PPP1R9A: variants seen among roughly 807,000 people sequenced by gnomAD.
The protein encoded by PPP1R9A is neurabin-1.
PPP1R9A carries 59 observed loss-of-function variants against 141.9 expected under a neutral mutation model. The observed-to-expected ratio is 0.42, with a 90% CI of 0.34 to 0.52. The LOEUF is 0.52. Ranked by LOEUF, PPP1R9A falls within the 20% of genes least tolerant of loss-of-function variation. The probability of loss-of-function intolerance (pLI) is 0.10; values close to 1 mark genes in which losing one functional copy is unlikely to be tolerated. For missense variants in PPP1R9A, 1,444 were observed against 1,611.9 expected (o/e 0.90, Z 1.78); for synonymous variants, 500 against 569.7 (o/e 0.88, Z 1.74).
chr7:94,968,627 T>G (rs1798516374), intron 2 of PPP1R9A, among the ~76,000 whole-genome samples: 1 of 152,206 alleles, frequency 6.6e-6, no homozygotes, highest in Non-Finnish European at 1.5e-5. Context: ...AGCACACCGA[T>G]GAGTCTTGAC....
intron 4 of PPP1R9A, among the ~76,000 whole-genome samples, chr7:95,157,574 C>T (rs1223991159): frequency 6.6e-6 from 1 of 152,224 alleles, no homozygotes; most frequent in African/African-American, 2.4e-5. Flanking sequence ...CTCGGCAGCA[C>T]CTCCCTGCTG....
chr7:95,290,930 G>A lies in PPP1R9A; in HGVS notation c.*627G>A, dbSNP rs1285228210. On this transcript the variant is annotated 3_prime_UTR_variant, in exon 20 of 20. Transcript: ENST00000433360. ...CTGCTTGCTAGGCATCAAAAAGAAA[G>A]AAAATAAATTATAGCTATTTGTTAA... 1.3e-5 allele frequency: 2 copies of A among 152,208 alleles called. No homozygotes were observed. The highest frequency in any genetic ancestry group is 2.9e-5 in the Non-Finnish European group (2 of 68,108). 9.4% of individuals were successfully genotyped at this position (152,208 alleles called of 1,614,324 possible).
At chr7:95,236,698 GA>G (rs1014039250) in intron 8 of PPP1R9A, among the ~76,000 whole-genome samples, 4 of 148,632 alleles carry the variant, frequency 2.7e-5, no homozygotes, top group Admixed American at 6.7e-5. Flanking sequence ...ATTAAAAAAA[GA>G]AAAAAAACAA....
intron 5 of PPP1R9A, 93 bp downstream of exon 5, chr7:95,162,064 G>T: frequency 1.4e-6 from 1 of 728,920 alleles, no homozygotes; most frequent in South Asian, 2.8e-5. Context: ...TAATTACAAT[G>T]ACAATTTTAC....
chr7:95,267,413 A>C (rs1462832161), intron 12 of PPP1R9A, among the ~76,000 whole-genome samples: 1 of 152,166 alleles, frequency 6.6e-6, no homozygotes, highest in East Asian at 1.9e-4. Flanking sequence ...ATTAATGATC[A>C]AACTCCTTTA....
At chr7:95,070,635 G>GT (rs1813688171) in intron 2 of PPP1R9A, among the ~76,000 whole-genome samples, 1 of 87,576 alleles carries the variant, frequency 1.1e-5, no homozygotes, top group Non-Finnish European at 2.6e-5. Flanking sequence ...ATATATATAA[G>GT]GTGTTTTTGC....
chr7:95,069,554 A>G (rs1039271989), intron 2 of PPP1R9A, among the ~76,000 whole-genome samples: 1 of 151,988 alleles, frequency 6.6e-6, no homozygotes, highest in South Asian at 2.1e-4. Flanking sequence ...TTATGTATAT[A>G]CATATTAATA....
At chr7:94,959,486 TCATTTATAAATTTAAC>T (rs1474741630) in intron 2 of PPP1R9A, among the ~76,000 whole-genome samples, 1 of 151,700 alleles carries the variant, frequency 6.6e-6, no homozygotes, top group Non-Finnish European at 1.5e-5. Context: ...TGATACTTAG[TCATTTATAAATTTAAC>T]CACATTAAAC....
At position 95,288,575 on chromosome 7, in the gene PPP1R9A, C is replaced by G. The variant is rs748844303; in HGVS notation, c.3769C>G (p.Gln1257Glu). 1.2e-6 allele frequency: 2 copies of G among 1,613,960 alleles called. No homozygotes were observed. The highest frequency in any genetic ancestry group is 1.7e-6 in the Non-Finnish European group (2 of 1,180,000). ...DGQSPKHSQC[Q>E]NRAVQEWSVQ... ...ACAGTCTCCCAAACACAGTCAGTGTCAGAATCGGGCCGTTCAGGAATGGAG... is the reference window on the plus strand; with the variant it reads ...ACAGTCTCCCAAACACAGTCAGTGTGAGAATCGGGCCGTTCAGGAATGGAG... The change falls in exon 19 of 20, where the codon CAG (glutamine) becomes GAG (glutamate). Residue 1257 changes from glutamine (Q) to glutamate (E), a missense_variant. By Grantham distance (29) the Gln-to-Glu change is conservative (BLOSUM62 2). Transcript: ENST00000433360.
At chr7:95,118,936 G>A (rs1044885280) in intron 3 of PPP1R9A, among the ~76,000 whole-genome samples, 10 of 151,006 alleles carry the variant, frequency 6.6e-5, no homozygotes, top group Admixed American at 2.6e-4. Flanking sequence ...GAGCCATGAT[G>A]GCGCCACTGC....
chr7:95,121,485 C>G (rs1345803803), intron 4 of PPP1R9A, among the ~76,000 whole-genome samples: 1 of 151,922 alleles, frequency 6.6e-6, no homozygotes, highest in African/African-American at 2.4e-5. Context: ...ATCTATCTAT[C>G]TATCTATCTA....
intron 7 of PPP1R9A, among the ~76,000 whole-genome samples, chr7:95,206,926 A>G (rs1468144445): frequency 1.3e-5 from 2 of 152,160 alleles, no homozygotes; most frequent in Non-Finnish European, 2.9e-5. Context: ...CTGTAAGGTG[A>G]AAATAAATCT....
chr7:95,047,663 A>G (rs1193955341), intron 2 of PPP1R9A, among the ~76,000 whole-genome samples: 1 of 152,144 alleles, frequency 6.6e-6, no homozygotes, highest in Non-Finnish European at 1.5e-5. Flanking sequence ...GATTATTTTA[A>G]TGGCCTTAAA....
intron 2 of PPP1R9A, among the ~76,000 whole-genome samples, chr7:95,019,351 C>T (rs1391292951): frequency 6.6e-6 from 1 of 152,126 alleles, no homozygotes; most frequent in Non-Finnish European, 1.5e-5. Context: ...ACACTGCACT[C>T]CAGCCTGGGC....
chr7:95,111,387 G>A lies in PPP1R9A; in HGVS notation c.1524G>A (p.Glu508=). 6.2e-7 allele frequency: 1 copy of A among 1,613,486 alleles called. No homozygotes were observed. Among genetic ancestry groups the A allele is most frequent in the Non-Finnish European group, 8.5e-7 (1 of 1,179,578 alleles). ...TGGAACTTTTCCCAGTGGAGCTAGA[G>A]AAAGGTTCGTGAGTGCTACAGTGTT... ...EKLELFPVEL[E]KDEDGLGISI... is the part of the protein sequence containing the mutation. The change falls in exon 3 of 20, where the codon GAG becomes GAA. Residue 508 remains glutamate, a synonymous_variant. Coordinates refer to ENST00000433360, the MANE Select transcript of PPP1R9A (RefSeq NM_001166160.2).
Position 95,135,372 on chromosome 7 carries a change from C to A in PPP1R9A, c.1649+14540C>A, listed in dbSNP as rs574801185. On this transcript the variant is annotated intron_variant, in intron 4 of 19. Transcript: ENST00000433360. ...CAATGAAGCAAGCATATTATTTTCC[C>A]TATTTATATTTTTCCAGCATTTTTG... is the stretch of plus-strand genomic sequence containing the variant. Among the ~76,000 whole-genome samples, 5 of 152,268 alleles carry A rather than the reference C, an allele frequency of 3.3e-5. No homozygotes were observed. In the East Asian group the frequency reaches 9.7e-4, roughly 29 times the overall value.
chr7:95,281,067 A>T (rs956080524), intron 16 of PPP1R9A, among the ~76,000 whole-genome samples: 3 of 152,092 alleles, frequency 2.0e-5, no homozygotes. Flanking sequence ...TTAAAGCAAA[A>T]ATTTCGTTTT....
In PPP1R9A at chr7:95,267,370, C is replaced by A. The variant is rs114514708; in HGVS notation, c.2666-1180C>A. On this transcript the variant is annotated intron_variant, in intron 12 of 19. Coordinates refer to ENST00000433360, the MANE Select transcript of PPP1R9A (RefSeq NM_001166160.2). ...ATTAACTCCTTGAACATGACTTCAGCTAATGACTGCCACTCTGAAGAGATA... is the reference window on the plus strand; with the variant it reads ...ATTAACTCCTTGAACATGACTTCAGATAATGACTGCCACTCTGAAGAGATA... Among the ~76,000 whole-genome samples the A allele has an allele frequency of 2.7e-3, 414 of 152,226 alleles. 6 individuals carry two copies. Among genetic ancestry groups the A allele is most frequent in the African/African-American group, 8.9e-3 (368 of 41,560 alleles).
At chr7:95,057,972 A>G (rs887110496) in intron 2 of PPP1R9A, among the ~76,000 whole-genome samples, 1 of 152,152 alleles carries the variant, frequency 6.6e-6, no homozygotes, top group African/African-American at 2.4e-5. Context: ...TCAATTAGAG[A>G]GATATGTAGA....
Sources: gnomAD v4.1 joint callset for allele counts (sites outside exome capture counted in the v4.1 genomes callset) on GRCh38, gnomAD v4.1.1 for gene constraint, MANE v1.5 for transcripts, NCBI Gene and HGNC (gene_info 2026-07-23, HGNC 2026-07-21) for gene names.